HDAC9: variants seen among roughly 807,000 people sequenced by gnomAD.
HDAC9 encodes MEF-2 interacting transcription repressor (MITR) protein.
Under a neutral mutation model 139.4 loss-of-function variants are expected in HDAC9, and 41 were observed. That is an observed-to-expected ratio of 0.29 (90% CI 0.23 to 0.38). HDAC9 has a LOEUF of 0.38. Ranked by LOEUF, HDAC9 falls within the 10% of genes least tolerant of loss-of-function variation. The pLI, the probability that HDAC9 is intolerant of heterozygous loss-of-function variation, is 1.00. For missense variants in HDAC9, 1,147 were observed against 1,297.0 expected, an observed-to-expected ratio of 0.88 and a Z score of 1.78; for synonymous variants, 517 against 476.2, an observed-to-expected ratio of 1.09 and a Z score of -1.12.
Position 18,707,560 on chromosome 7 carries a change from A to G in HDAC9, c.1732-20020A>G, listed in dbSNP as rs147016342. On this transcript the variant is annotated intron_variant, in intron 12 of 25. Transcript: ENST00000686413. ...AAGGTGAAGGGAATATAGTCGGAAT[A>G]TATGAAAAAATCAAGATGCCAACCA... is the stretch of plus-strand genomic sequence containing the variant. Among the ~76,000 whole-genome samples the G allele has an allele frequency of 1.8e-3, 280 of 152,340 alleles. 2 individuals carry two copies. The highest frequency in any genetic ancestry group is 6.4e-3 in the African/African-American group (268 of 41,578).
chr7:18,465,790 C>A (rs1370695364), intron 1 of HDAC9, among the ~76,000 whole-genome samples: 1 of 152,110 alleles, frequency 6.6e-6, no homozygotes, highest in Non-Finnish European at 1.5e-5. Context: ...TACCCCTTTC[C>A]ACTTCTATCT....
chr7:18,728,402 AACAC>A (rs56281287), intron 13 of HDAC9, among the ~76,000 whole-genome samples: 63,937 of 145,266 alleles, frequency 0.44, 14,159 homozygotes, highest in Admixed American at 0.52. Flanking sequence ...TTAAGTGTGG[AACAC>A]ACACACACAC....
At chr7:18,667,892 AGG>A in intron 12 of HDAC9, 1 of 983,622 alleles carries the variant, frequency 1.0e-6, no homozygotes, top group Non-Finnish European at 1.2e-6. Context: ...AGCTAGTTAA[AGG>A]TTCGTTGTAT....
rs192169495 is a variant in HDAC9 at position 19,000,514 on chromosome 7, A to C, written c.*4452A>C. The C allele has an allele frequency of 2.9e-4, 44 of 152,352 alleles. No individual in the cohort carries two copies. In the East Asian group the frequency reaches 2.9e-3, roughly 10 times the overall value. The allele number at this position is 152,352 out of a possible 1,614,324, so 9.4% of individuals were successfully genotyped here. ...AACTTAGTTTCTCCAAATCAACTGC[A>C]GTCCGTTTTATCTATGATATTCCTG... is the stretch of plus-strand genomic sequence containing the variant. On this transcript the variant is annotated 3_prime_UTR_variant, in exon 26 of 26. Coordinates refer to ENST00000686413, the MANE Select transcript of HDAC9 (RefSeq NM_178425.4).
intron 6 of HDAC9, among the ~76,000 whole-genome samples, chr7:18,603,938 A>G (rs1327032546): frequency 1.3e-5 from 2 of 152,046 alleles, no homozygotes; most frequent in South Asian, 2.1e-4. Flanking sequence ...ATTTTGTACT[A>G]TACTTTCTTT....
chr7:18,230,438 G>A (rs919631791), intron 2 of HDAC9, among the ~76,000 whole-genome samples: 3 of 152,154 alleles, frequency 2.0e-5, no homozygotes, highest in Non-Finnish European at 4.4e-5. Flanking sequence ...GTCAAAGACC[G>A]TATTCACCAT....
chr7:18,913,094 G>C (rs1802880740), intron 22 of HDAC9, among the ~76,000 whole-genome samples: 1 of 152,010 alleles, frequency 6.6e-6, no homozygotes, highest in Non-Finnish European at 1.5e-5. Flanking sequence ...GAGGACTCTA[G>C]CATTTTTGAG....
At chr7:18,430,291 A>G (rs1289742173) in intron 1 of HDAC9, among the ~76,000 whole-genome samples, 4 of 152,288 alleles carry the variant, frequency 2.6e-5, no homozygotes, top group Admixed American at 2.0e-4. Flanking sequence ...TAGCAAAATT[A>G]TAGCTCACTA....
chr7:18,633,629 C>T (rs1782984948), intron 7 of HDAC9, among the ~76,000 whole-genome samples: 1 of 151,944 alleles, frequency 6.6e-6, no homozygotes. Context: ...AAAATCCTGT[C>T]TCTGAAAAGC....
At chr7:18,627,200 C>T (rs1663147785) in intron 6 of HDAC9, among the ~76,000 whole-genome samples, 1 of 152,186 alleles carries the variant, frequency 6.6e-6, no homozygotes, top group Admixed American at 6.5e-5. Flanking sequence ...TCACATCCCT[C>T]AATGAAAATG....
chr7:18,359,382 G>C (rs1415919842), intron 1 of HDAC9, among the ~76,000 whole-genome samples: 1 of 152,114 alleles, frequency 6.6e-6, no homozygotes, highest in African/African-American at 2.4e-5. Flanking sequence ...GTAAATTGTG[G>C]CAGTGAAGGG....
intron 22 of HDAC9, among the ~76,000 whole-genome samples, chr7:18,886,713 A>G (rs1487983348): frequency 6.6e-6 from 1 of 152,168 alleles, no homozygotes; most frequent in Non-Finnish European, 1.5e-5. Context: ...TTCTTTACAG[A>G]CTTCCAGTGA....
intron 2 of HDAC9, among the ~76,000 whole-genome samples, chr7:18,282,553 G>A (rs1244233423): frequency 6.6e-6 from 1 of 152,100 alleles, no homozygotes; most frequent in East Asian, 1.9e-4. Flanking sequence ...TGACATATTT[G>A]CACTGAGGGA....
At chr7:18,462,989 A>G (rs1793977515) in intron 1 of HDAC9, among the ~76,000 whole-genome samples, 1 of 152,002 alleles carries the variant, frequency 6.6e-6, no homozygotes, top group South Asian at 2.1e-4. Flanking sequence ...GTACTGTATG[A>G]GAGTGCTGGT....
At chr7:18,792,357 A>G (rs1415462333) in intron 16 of HDAC9, among the ~76,000 whole-genome samples, 1 of 150,334 alleles carries the variant, frequency 6.7e-6, no homozygotes, top group Non-Finnish European at 1.5e-5. Context: ...CAAACTTTGT[A>G]TTCTATTTCC....
chr7:18,425,081 G>C (rs2128755199), intron 1 of HDAC9, among the ~76,000 whole-genome samples: 1 of 152,128 alleles, frequency 6.6e-6, no homozygotes, highest in South Asian at 2.1e-4. Context: ...TTTTAATCTT[G>C]AGGTGTAGTA....
chr7:18,842,803 C>T (rs553689605), intron 21 of HDAC9, among the ~76,000 whole-genome samples: 1 of 152,162 alleles, frequency 6.6e-6, no homozygotes, highest in Non-Finnish European at 1.5e-5. Flanking sequence ...GTAAATTGAT[C>T]TTATGCACAC....
intron 2 of HDAC9, among the ~76,000 whole-genome samples, chr7:18,167,264 C>T (rs1788074617): frequency 6.6e-6 from 1 of 151,400 alleles, no homozygotes; most frequent in African/African-American, 2.4e-5. Context: ...TAAGTCAAAA[C>T]TTCTCAATCT....
chr7:18,230,198 G>A (rs1027804729), intron 2 of HDAC9, among the ~76,000 whole-genome samples: 1 of 152,108 alleles, frequency 6.6e-6, no homozygotes, highest in African/African-American at 2.4e-5. Flanking sequence ...GAAACTTAGG[G>A]GCTGATTTAA....
Sources: gnomAD v4.1 joint callset for allele counts (sites outside exome capture counted in the v4.1 genomes callset) on GRCh38, gnomAD v4.1.1 for gene constraint, MANE v1.5 for transcripts, NCBI Gene and HGNC (gene_info 2026-07-23, HGNC 2026-07-21) for gene names.